Variants in MYO18B observed in about 807,000 individuals in gnomAD.
MYO18B encodes the protein myosin XVIIIB.
Under a neutral mutation model 273.0 loss-of-function variants are expected in MYO18B, and 204 were observed. The ratio of observed to expected loss-of-function variants is 0.75; its 90% CI spans 0.67 to 0.84. MYO18B has a LOEUF of 0.84. Among genes scored for constraint, MYO18B ranks in the 40% least tolerant of loss-of-function variants. MYO18B has a pLI of 0.00. For missense variants in MYO18B, 3,212 were observed against 3,287.6 expected (o/e 0.98, Z 0.56); for synonymous variants, 1,330 against 1,305.7 (o/e 1.02, Z -0.40).
intron 42 of MYO18B, among the ~76,000 whole-genome samples, chr22:26,011,474 G>C (rs1934919676): frequency 6.6e-6 from 1 of 152,198 alleles, no homozygotes; most frequent in South Asian, 2.1e-4. Context: ...TGAGGACTTG[G>C]TAGATGAAAA....
chr22:25,851,409 C>G (rs1741814423), intron 20 of MYO18B, 61 bp from the exon 21 acceptor site: 2 of 1,177,004 alleles, frequency 1.7e-6, no homozygotes, highest in African/African-American at 3.0e-5. Flanking sequence ...GTTTAGGGAA[C>G]TGGGCTGGGT....
intron 15 of MYO18B, among the ~76,000 whole-genome samples, chr22:25,830,971 A>G (rs1458883914): frequency 6.6e-6 from 1 of 152,266 alleles, no homozygotes; most frequent in Admixed American, 6.5e-5. Flanking sequence ...ATTTCTGATT[A>G]TCAATGTAAT....
chr22:25,967,245 G>C (rs2092989362), intron 39 of MYO18B, among the ~76,000 whole-genome samples: 1 of 152,158 alleles, frequency 6.6e-6, no homozygotes, highest in Non-Finnish European at 1.5e-5. Context: ...ATTGAATATG[G>C]CAGGAGTATA....
At chr22:25,882,269 G>A (rs1032891897) in intron 25 of MYO18B, among the ~76,000 whole-genome samples, 1 of 151,860 alleles carries the variant, frequency 6.6e-6, no homozygotes, top group African/African-American at 2.4e-5. Context: ...AACCATTAAA[G>A]TTGGGCAGAA....
intron 9 of MYO18B, among the ~76,000 whole-genome samples, chr22:25,780,590 CAAAAAAAAAAAAAAAAAAAAAAA>C (rs59082074): frequency 7.7e-5 from 5 of 65,218 alleles, no homozygotes; most frequent in Non-Finnish European, 1.4e-4. Context: ...AACTCCATCT[CAAAAAAAAAAAAAAAAAAAAAAA>C]AAAAAAAAAA....
intron 18 of MYO18B, among the ~76,000 whole-genome samples, chr22:25,845,501 G>T (rs143138785): frequency 4.6e-4 from 70 of 152,278 alleles, no homozygotes; most frequent in African/African-American, 1.6e-3. Context: ...TGGCGACAGA[G>T]CAAGACTCCA....
chr22:25,882,645 A>T (rs77306135), intron 25 of MYO18B, among the ~76,000 whole-genome samples: 1 of 152,224 alleles, frequency 6.6e-6, no homozygotes, highest in South Asian at 2.1e-4. Flanking sequence ...ACTGAGTATT[A>T]TGATGACTTT....
intron 25 of MYO18B, among the ~76,000 whole-genome samples, chr22:25,886,789 G>A (rs530545297): frequency 1.5e-4 from 23 of 152,232 alleles, no homozygotes; most frequent in African/African-American, 5.5e-4. Flanking sequence ...CCAGGTGCTG[G>A]GAATCAGGCA....
In MYO18B at chr22:25,895,136, T is replaced by C; in HGVS notation, c.4544-20T>C. ...ACTCATTTGGCCTCTTATCCTGGTCTCCCTGACTCCGTTAAACAGCAGACG... is the reference window on the plus strand; with the variant it reads ...ACTCATTTGGCCTCTTATCCTGGTCCCCCTGACTCCGTTAAACAGCAGACG... On this transcript the variant is annotated intron_variant, in intron 27 of 43. Transcript: ENST00000335473. 6.2e-7 allele frequency: 1 copy of C among 1,610,046 alleles called. No homozygotes were observed. Among genetic ancestry groups the C allele is most frequent in the Non-Finnish European group, 8.5e-7 (1 of 1,177,358 alleles).
intron 22 of MYO18B, among the ~76,000 whole-genome samples, chr22:25,872,553 T>C (rs2091076286): frequency 6.6e-6 from 1 of 152,238 alleles, no homozygotes; most frequent in African/African-American, 2.4e-5. Flanking sequence ...AAAATGTAGA[T>C]GCATGTAATG....
intron 11 of MYO18B, among the ~76,000 whole-genome samples, chr22:25,795,381 T>A (rs542012519): frequency 2.0e-4 from 31 of 152,262 alleles, no homozygotes; most frequent in Non-Finnish European, 4.3e-4. Flanking sequence ...ATGTCTTCTG[T>A]TCAGAAAAAA....
intron 39 of MYO18B, among the ~76,000 whole-genome samples, chr22:25,988,924 G>T (rs1237583942): frequency 6.6e-6 from 1 of 152,154 alleles, no homozygotes; most frequent in Non-Finnish European, 1.5e-5. Context: ...CGGCAGCTCG[G>T]CTCCAGAGCC....
intron 39 of MYO18B, among the ~76,000 whole-genome samples, chr22:25,968,657 T>C (rs2093004815): frequency 6.6e-6 from 1 of 152,028 alleles, no homozygotes; most frequent in East Asian, 1.9e-4. Context: ...CTTTCTATCT[T>C]CTCAAAGGGA....
At chr22:25,967,635 A>G (rs1205935927) in intron 39 of MYO18B, among the ~76,000 whole-genome samples, 1 of 152,142 alleles carries the variant, frequency 6.6e-6, no homozygotes, top group African/African-American at 2.4e-5. Context: ...TTTAGTGGGG[A>G]AAGATGAATA....
chr22:25,769,935 C>T, intron 4 of MYO18B, 175 bp from the exon 5 acceptor site: 1 of 656,712 alleles, frequency 1.5e-6, no homozygotes. Context: ...TCGGCTCCAC[C>T]TCCCGGGTCC....
chr22:25,743,794 A>G (rs1223750452), intron 1 of MYO18B, among the ~76,000 whole-genome samples: 12 of 152,180 alleles, frequency 7.9e-5, no homozygotes, highest in Non-Finnish European at 1.8e-4. Context: ...TCTCCTTCTA[A>G]AACCTGAGGG....
intron 12 of MYO18B, among the ~76,000 whole-genome samples, chr22:25,808,904 GC>G (rs964921594): frequency 3.3e-5 from 5 of 152,100 alleles, no homozygotes; most frequent in Admixed American, 6.5e-5. Flanking sequence ...TCAGTCCAGG[GC>G]CCAGGAGAGT....
the MYO18B span, among the ~76,000 whole-genome samples, chr22:26,037,406 T>C: frequency 6.6e-6 from 1 of 152,312 alleles, no homozygotes; most frequent in African/African-American, 2.4e-5. Context: ...GCCAAGTGAC[T>C]GGCCTGAGTT....
rs1233655502 is a variant in MYO18B, at chr22:25,921,138, A to G, written c.5365-119A>G. 3 of 1,040,146 alleles carry G rather than the reference A, an allele frequency of 2.9e-6. No homozygotes were observed. In the African/African-American group the frequency reaches 4.8e-5, roughly 17 times the overall value. 64.4% of individuals were successfully genotyped at this position (1,040,146 alleles called of 1,614,324 possible). A position where few individuals can be genotyped will look rare whatever the true frequency, so the allele number is the denominator to read the frequency against. ...CTCGGAGAGGAGAATGGTCTTGTCC[A>G]AGGTCACACGGTGTGAGTGGCAGAG... On this transcript the variant is annotated intron_variant, in intron 33 of 43. Transcript: ENST00000335473.
Sources: gnomAD v4.1 joint callset for allele counts (sites outside exome capture counted in the v4.1 genomes callset) on GRCh38, gnomAD v4.1.1 for gene constraint, MANE v1.5 for transcripts, NCBI Gene and HGNC (gene_info 2026-07-23, HGNC 2026-07-21) for gene names.